The following KIF13A variants were observed in gnomAD, a reference collection of about 807,000 sequenced individuals.
KIF13A encodes kinesin-like protein KIF13A.
Under a neutral mutation model 212.2 loss-of-function variants are expected in KIF13A, and 79 were observed. The observed-to-expected ratio is 0.37, with a 90% CI of 0.31 to 0.45. KIF13A has a LOEUF of 0.45. Among genes scored for constraint, KIF13A ranks in the 20% least tolerant of loss-of-function variants. The pLI is 1.00. For missense variants in KIF13A, 1,901 were observed against 2,209.0 expected (o/e 0.86, Z 2.79); for synonymous variants, 789 against 808.6 (o/e 0.98, Z 0.41).
At position 17,783,702 on chromosome 6, in the gene KIF13A, C is replaced by T. The variant is rs1286494957; in HGVS notation, c.3489-1G>A. On this transcript the variant is annotated splice_acceptor_variant, in intron 28 of 38. Coordinates refer to ENST00000259711, the MANE Select transcript of KIF13A (RefSeq NM_022113.6). LOFTEE classifies it high-confidence loss of function. This position sits in a 1 kb window ranked among gnomAD's most constrained non-coding sequence, Gnocchi z 4.3. ...GGTTTCCATTCCAGGAGGTGGGATCCTAAATTTAATAACAACATTTAATCA... is the reference window on the plus strand; with the variant it reads ...GGTTTCCATTCCAGGAGGTGGGATCTTAAATTTAATAACAACATTTAATCA... The T allele has an allele frequency of 1.3e-6, 2 of 1,556,638 alleles. No individual in the cohort carries two copies. Among genetic ancestry groups the T allele is most frequent in the Non-Finnish European group, 1.8e-6 (2 of 1,142,174 alleles).
chr6:17,780,001 C>A (rs1044078040), intron 31 of KIF13A, among the ~76,000 whole-genome samples: 2 of 152,068 alleles, frequency 1.3e-5, no homozygotes, highest in African/African-American at 4.8e-5. Flanking sequence ...CCGCCTTGGC[C>A]TCTCAAAGTG....
intron 2 of KIF13A, among the ~76,000 whole-genome samples, chr6:17,958,974 A>G (rs557925187): frequency 5.3e-4 from 77 of 144,402 alleles, no homozygotes; most frequent in African/African-American, 1.9e-3. Context: ...TCTATCTTCC[A>G]GGCTCAAGCA....
intron 18 of KIF13A, among the ~76,000 whole-genome samples, chr6:17,807,068 G>A (rs1386608603): frequency 1.3e-5 from 2 of 152,048 alleles, no homozygotes; most frequent in East Asian, 1.9e-4. Flanking sequence ...GAAGATGTAC[G>A]TCATCTCAGG....
intron 2 of KIF13A, among the ~76,000 whole-genome samples, chr6:17,911,768 AT>A (rs34415921): frequency 0.11 from 15,661 of 143,250 alleles, 1,088 homozygotes; most frequent in African/African-American, 0.19. Context: ...GTCAATAATA[AT>A]TTTTTTTTTT....
intron 38 of KIF13A, among the ~76,000 whole-genome samples, chr6:17,765,570 C>A (rs903432346): frequency 2.0e-5 from 3 of 152,126 alleles, no homozygotes; most frequent in Non-Finnish European, 2.9e-5. Context: ...TTACGGTCTT[C>A]TAGGATTTTT....
At chr6:17,803,007 C>T (rs1561992641) in intron 20 of KIF13A, among the ~76,000 whole-genome samples, 1 of 149,786 alleles carries the variant, frequency 6.7e-6, no homozygotes, top group African/African-American at 2.5e-5. Flanking sequence ...GATCTTGGCT[C>T]ACTGCAACCT....
At chr6:17,970,965 C>G (rs2150608098) in intron 2 of KIF13A, among the ~76,000 whole-genome samples, 1 of 152,318 alleles carries the variant, frequency 6.6e-6, no homozygotes, top group South Asian at 2.1e-4. Context: ...AAGTAATTTA[C>G]AACACTTTTA....
At chr6:17,873,787 G>A (rs1414756624) in intron 3 of KIF13A, among the ~76,000 whole-genome samples, 3 of 151,978 alleles carry the variant, frequency 2.0e-5, no homozygotes, top group Admixed American at 1.3e-4. Context: ...AGGAGGTCTT[G>A]CCCTATTGCT....
At chr6:17,902,370 A>G (rs1164149556) in intron 2 of KIF13A, among the ~76,000 whole-genome samples, 3 of 152,248 alleles carry the variant, frequency 2.0e-5, no homozygotes, top group Non-Finnish European at 4.4e-5. Flanking sequence ...AATAAACTAA[A>G]TACAATTTGA....
At position 17,825,013 on chromosome 6, in the gene KIF13A, G is replaced by A. The variant is rs1393925779; in HGVS notation, c.1786+755C>T. 1.3e-5 allele frequency among the ~76,000 whole-genome samples: 2 copies of A among 152,160 alleles called. No homozygotes were observed. The highest frequency in any genetic ancestry group is 2.4e-5 in the African/African-American group (1 of 41,442). On this transcript the variant is annotated intron_variant, in intron 16 of 38. Transcript: ENST00000259711. The surrounding 1 kb of genome is among the most constrained non-coding windows in gnomAD (Gnocchi z 4.5). ...ATTCTAGTCCCAGAAATGTCATCTT[G>A]TGGTTGGTAACAGGTGAACATTGCT...
downstream of KIF13A, among the ~76,000 whole-genome samples, chr6:17,761,188 A>C (rs1758566204): frequency 6.6e-6 from 1 of 152,180 alleles, no homozygotes; most frequent in African/African-American, 2.4e-5. Context: ...CTCAGAAAAA[A>C]TTTTAAACTG....
rs1438743898 is a variant in KIF13A at position 17,951,548 on chromosome 6, C to T, written c.146+35506G>A. 2.4e-6 allele frequency: 1 copy of T among 422,548 alleles called. No individual in the cohort carries two copies. The highest frequency in any genetic ancestry group is 4.2e-6 in the Non-Finnish European group (1 of 238,456). 26.2% of individuals were successfully genotyped at this position (422,548 alleles called of 1,614,324 possible). A position where few individuals can be genotyped will look rare whatever the true frequency, so the allele number is the denominator to read the frequency against. ...CATATTCACAGAGTTATGTGGCTAT[C>T]ACCACAACTGCAGAACATTCTCAAT... On this transcript the variant is annotated intron_variant, in intron 2 of 38. Transcript: ENST00000259711. This position sits in a 1 kb window ranked among gnomAD's most constrained non-coding sequence, Gnocchi z 4.9.
Position 17,764,234 on chromosome 6 carries a change from G to A in KIF13A, c.5294C>T (p.Pro1765Leu), listed in dbSNP as rs201854187. 4.6e-5 allele frequency: 74 copies of A among 1,613,920 alleles called. No homozygotes were observed. In the African/African-American group the frequency reaches 8.1e-4, roughly 18 times the overall value. The change falls in exon 39 of 39, where the codon CCA becomes CTA. Residue 1765 changes from proline (P) to leucine (L), a missense_variant. Pro to Leu is a moderately conservative substitution (Grantham distance 98, BLOSUM62 -3). This residue lies in a region of KIF13A where 687 missense variants were observed against 759.1 expected (regional missense o/e 0.90). Transcript: ENST00000259711. This position sits in a 1 kb window ranked among gnomAD's most constrained non-coding sequence, Gnocchi z 5.1. ...GACAGTCTTGCCGCCTGTTTTATTT[G>A]GTAGACTCCTCCTACTGGAAAGCTC... Reference protein sequence around the residue: ...AGELSSRRSLPNKTGGKTVSD... With the variant: ...AGELSSRRSLLNKTGGKTVSD...
intron 4 of KIF13A, among the ~76,000 whole-genome samples, chr6:17,864,265 G>C (rs566726583): frequency 7.6e-4 from 115 of 152,298 alleles, no homozygotes; most frequent in Non-Finnish European, 1.4e-3. Context: ...CAAATTCACA[G>C]GGCAAGCCTG....
intron 31 of KIF13A, 48 bp downstream of exon 31, chr6:17,780,682 A>C: frequency 6.4e-7 from 1 of 1,566,014 alleles, no homozygotes; most frequent in Non-Finnish European, 8.7e-7. Context: ...AGAGGGAAAA[A>C]TCTTTTGAGC....
In KIF13A at chr6:17,872,828, G is replaced by C. The variant is rs2150435127; in HGVS notation, c.220+549C>G. Among the ~76,000 whole-genome samples the C allele has an allele frequency of 6.6e-6, 1 of 152,114 alleles. No individual in the cohort carries two copies. Among genetic ancestry groups the C allele is most frequent in the East Asian group, 1.9e-4 (1 of 5,174 alleles). ...GTTTTGTATGTTTAGTAGAGACGGGGTTTTGCTATGTTATTCAAGCTGGTC... is the reference window on the plus strand; with the variant it reads ...GTTTTGTATGTTTAGTAGAGACGGGCTTTTGCTATGTTATTCAAGCTGGTC... On this transcript the variant is annotated intron_variant, in intron 4 of 38. Transcript: ENST00000259711. The surrounding 1 kb of genome is among the most constrained non-coding windows in gnomAD (Gnocchi z 4.7).
chr6:17,802,886 A>G (rs960630974), intron 20 of KIF13A, among the ~76,000 whole-genome samples: 1 of 149,568 alleles, frequency 6.7e-6, no homozygotes, highest in Non-Finnish European at 1.5e-5. Flanking sequence ...TGGTGGGACT[A>G]TAGGTGCTCA....
chr6:17,825,384 T>C lies in KIF13A; in HGVS notation c.1786+384A>G, dbSNP rs1764874612. The stretch of plus-strand genomic sequence containing the variant: ...ACTTTTATCTTTCCATAGATTATAT[T>C]TGAAATTCCTGAATTTATATTCTGT... On this transcript the variant is annotated intron_variant, in intron 16 of 38. Coordinates refer to ENST00000259711, the MANE Select transcript of KIF13A (RefSeq NM_022113.6). The surrounding 1 kb of genome is among the most constrained non-coding windows in gnomAD (Gnocchi z 4.5). 6.6e-6 allele frequency among the ~76,000 whole-genome samples: 1 copy of C among 152,228 alleles called. No homozygotes were observed. Among genetic ancestry groups the C allele is most frequent in the South Asian group, 2.1e-4 (1 of 4,834 alleles).
chr6:17,987,613 G>C lies in KIF13A; in HGVS notation c.-150C>G. The C allele has an allele frequency of 4.3e-6, 1 of 232,628 alleles. No homozygotes were observed. The highest frequency in any genetic ancestry group is 6.9e-6 in the Non-Finnish European group (1 of 145,310). 14.4% of individuals were successfully genotyped at this position (232,628 alleles called of 1,614,324 possible). A position where few individuals can be genotyped will look rare whatever the true frequency, so the allele number is the denominator to read the frequency against. On this transcript the variant is annotated 5_prime_UTR_variant, in exon 1 of 39. Coordinates refer to ENST00000259711, the MANE Select transcript of KIF13A (RefSeq NM_022113.6). This position sits in a 1 kb window ranked among gnomAD's most constrained non-coding sequence, Gnocchi z 7.7. The stretch of plus-strand genomic sequence containing the variant: ...TCCGAGAGGCAGCGCCGAGGCGCGC[G>C]GGCCATCCCGGGGGAGCGCGACGCG...
Sources: gnomAD v4.1 joint callset for allele counts (sites outside exome capture counted in the v4.1 genomes callset) on GRCh38, gnomAD v4.1.1 for gene constraint, gnomAD v4.1.1 regional missense constraint, Gnocchi (gnomAD v3.1) non-coding constraint, MANE v1.5 for transcripts, NCBI Gene and HGNC (gene_info 2026-07-23, HGNC 2026-07-21) for gene names.